The following EIF2B3 variants were observed in gnomAD, a reference collection of about 807,000 sequenced individuals.
EIF2B3 encodes translation initiation factor eIF2B subunit gamma.
EIF2B3 carries 20 observed loss-of-function variants against 54.1 expected under a neutral mutation model. The observed-to-expected ratio is 0.37, with a 90% CI of 0.26 to 0.54. The LOEUF (loss-of-function observed/expected upper bound fraction) is 0.54. Ranked by LOEUF, EIF2B3 falls within the 20% of genes least tolerant of loss-of-function variation. The pLI is 0.86. For synonymous variants in EIF2B3, 153 were observed against 188.1 expected (o/e 0.81, Z 1.52); for missense variants, 448 against 547.8 (o/e 0.82, Z 1.82).
intron 4 of EIF2B3, among the ~76,000 whole-genome samples, chr1:44,935,258 T>C (rs574366390): frequency 6.6e-6 from 1 of 152,228 alleles, no homozygotes; most frequent in Admixed American, 6.5e-5. Flanking sequence ...TAGAGGAATG[T>C]ACAGGAAAAA....
At chr1:44,917,271 A>G (rs542426849) in intron 5 of EIF2B3, among the ~76,000 whole-genome samples, 20 of 152,250 alleles carry the variant, frequency 1.3e-4, no homozygotes, top group African/African-American at 4.1e-4. Flanking sequence ...AGGCGGGCCA[A>G]TCACCTGAGG....
At chr1:44,913,107 G>A (rs373166207) in intron 5 of EIF2B3, among the ~76,000 whole-genome samples, 4 of 68,346 alleles carry the variant, frequency 5.9e-5, no homozygotes, top group Admixed American at 1.5e-4. Flanking sequence ...TGCGGTTTTT[G>A]TTAAAAAAAA....
chr1:44,904,905 A>G (rs1643385631), intron 5 of EIF2B3, among the ~76,000 whole-genome samples: 2 of 152,166 alleles, frequency 1.3e-5, no homozygotes, highest in Admixed American at 6.6e-5. Context: ...AATCACTGCA[A>G]TTTAGAAGAA....
chr1:44,980,039 G>A (rs1178785683), intron 2 of EIF2B3, among the ~76,000 whole-genome samples: 1 of 152,106 alleles, frequency 6.6e-6, no homozygotes, highest in African/African-American at 2.4e-5. Flanking sequence ...CTCTAATAAT[G>A]GAATGAACAC....
At chr1:44,932,575 G>A (rs1643906337) in intron 4 of EIF2B3, 1 of 152,144 alleles carries the variant, frequency 6.6e-6, no homozygotes, top group African/African-American at 2.4e-5. Context: ...AAATTCCTAA[G>A]AGAGTAGATT....
intron 10 of EIF2B3, among the ~76,000 whole-genome samples, chr1:44,870,033 A>G (rs1333551688): frequency 1.3e-5 from 2 of 151,964 alleles, no homozygotes; most frequent in Non-Finnish European, 2.9e-5. Flanking sequence ...TACTAAAAAT[A>G]TAGTGGCACA....
chr1:44,978,276 T>C (rs1286293634), intron 3 of EIF2B3, 39 bp downstream of exon 3: 2 of 1,609,880 alleles, frequency 1.2e-6, no homozygotes, highest in Admixed American at 1.7e-5. Context: ...ATATCATCTA[T>C]CTTCAATAAA....
intron 5 of EIF2B3, among the ~76,000 whole-genome samples, chr1:44,900,651 TA>T (rs960184141): frequency 6.6e-6 from 1 of 151,678 alleles, no homozygotes; most frequent in Non-Finnish European, 1.5e-5. Flanking sequence ...AATAATAATT[TA>T]AAAAAAACCA....
chr1:44,926,873 G>A (rs1418303072), intron 4 of EIF2B3, 134 bp from the exon 5 acceptor site: 10 of 805,294 alleles, frequency 1.2e-5, no homozygotes, highest in East Asian at 2.7e-5. Flanking sequence ...AGTGGCTCAC[G>A]CCTGTAATCC....
intron 4 of EIF2B3, among the ~76,000 whole-genome samples, chr1:44,933,756 T>C (rs1219468695): frequency 6.6e-6 from 1 of 152,120 alleles, no homozygotes; most frequent in Non-Finnish European, 1.5e-5. Flanking sequence ...GTCCACAAAA[T>C]GCTATTAGGC....
At chr1:44,908,313 C>T (rs748846278) in intron 5 of EIF2B3, among the ~76,000 whole-genome samples, 1 of 152,096 alleles carries the variant, frequency 6.6e-6, no homozygotes. Flanking sequence ...ATAAATGTTA[C>T]CACAGAACTT....
intron 5 of EIF2B3, among the ~76,000 whole-genome samples, chr1:44,912,808 C>T (rs1437434997): frequency 1.3e-5 from 2 of 152,126 alleles, no homozygotes; most frequent in African/African-American, 4.8e-5. Flanking sequence ...TTGAATCTTC[C>T]ACCAAGGCTG....
intron 10 of EIF2B3, among the ~76,000 whole-genome samples, chr1:44,865,878 C>A (rs887087404): frequency 6.6e-6 from 1 of 152,008 alleles, no homozygotes; most frequent in African/African-American, 2.4e-5. Context: ...ATCATTGGTA[C>A]CAACTTTTAA....
chr1:44,958,998 A>C, intron 3 of EIF2B3: 1 of 742,850 alleles, frequency 1.3e-6, no homozygotes, highest in South Asian at 1.5e-5. Flanking sequence ...CTCCATGAAG[A>C]AAGTGCTAGA....
intron 10 of EIF2B3, among the ~76,000 whole-genome samples, chr1:44,869,703 C>T (rs966720204): frequency 1.4e-5 from 2 of 142,180 alleles, no homozygotes; most frequent in African/African-American, 2.6e-5. Context: ...CGGGTTCAAG[C>T]GATTCTTCTG....
chr1:44,898,482 T>C (rs990208849), intron 5 of EIF2B3, among the ~76,000 whole-genome samples: 1 of 151,996 alleles, frequency 6.6e-6, no homozygotes, highest in African/African-American at 2.4e-5. Flanking sequence ...AACAAATAAA[T>C]GAATAAATGA....
chr1:44,966,705 TAC>T lies in EIF2B3; in HGVS notation c.294+11608_294+11609del, dbSNP rs374532685. Among the ~76,000 whole-genome samples, 543 of 152,084 alleles carry T rather than the reference TAC, an allele frequency of 3.6e-3. 2 individuals carry two copies. The highest frequency in any genetic ancestry group is 0.012 in the African/African-American group (515 of 41,496). The stretch of plus-strand genomic sequence containing the variant: ...ATAAAAATTACAAACAGAAAACAAT[TAC>T]AGTCAAATCCTATACAAAGTTATTA... On this transcript the variant is annotated intron_variant, in intron 3 of 11. Transcript: ENST00000360403.
Position 44,934,656 on chromosome 1 carries a change from C to T in EIF2B3, c.454+6850G>A, listed in dbSNP as rs527253357. Among the ~76,000 whole-genome samples the T allele has an allele frequency of 6.6e-5, 10 of 152,094 alleles. No individual in the cohort carries two copies. In the South Asian group the frequency reaches 2.1e-3, roughly 32 times the overall value. On this transcript the variant is annotated intron_variant, in intron 4 of 11. Transcript: ENST00000360403. ...AGTAGCTGGGATTACAGGCACCCAC[C>T]ACCACGCCCAGCTAATTTTTGTATT...
intron 5 of EIF2B3, among the ~76,000 whole-genome samples, chr1:44,915,804 G>C (rs1318977362): frequency 6.6e-6 from 1 of 151,742 alleles, no homozygotes; most frequent in Non-Finnish European, 1.5e-5. Flanking sequence ...AATTTTACTG[G>C]TATTTAACAA....
Sources: allele counts gnomAD v4.1 joint callset (sites outside exome capture counted in the v4.1 genomes callset), GRCh38; gene constraint gnomAD v4.1.1; transcripts MANE v1.5; gene names NCBI Gene and HGNC (gene_info 2026-07-23, HGNC 2026-07-21).